The following FHIT variants were observed in gnomAD, a reference collection of about 807,000 sequenced individuals.
FHIT encodes the protein fragile histidine triad diadenosine triphosphatase.
Under a neutral mutation model 17.9 loss-of-function variants are expected in FHIT, and 19 were observed. The observed-to-expected ratio is 1.06, with a 90% confidence interval of 0.74 to 1.56. The LOEUF is 1.56. Among genes scored for constraint, FHIT ranks in the 40% most tolerant of loss-of-function variants. The pLI, the probability that FHIT is intolerant of heterozygous loss-of-function variation, is 0.00. For synonymous variants in FHIT, 81 were observed against 69.7 expected, an observed-to-expected ratio of 1.16 and a Z score of -0.81; for missense variants, 248 against 189.2, an observed-to-expected ratio of 1.31 and a Z score of -1.82.
intron 2 of FHIT, among the ~76,000 whole-genome samples, chr3:61,170,375 A>T (rs9813886): frequency 0.46 from 70,669 of 152,006 alleles, 17,303 homozygotes; most frequent in East Asian, 0.87. Flanking sequence ...TGTAATCTTT[A>T]TTTTAACCTT....
At chr3:61,214,094 G>C (rs1036625010) in intron 1 of FHIT, among the ~76,000 whole-genome samples, 42 of 152,096 alleles carry the variant, frequency 2.8e-4, no homozygotes, top group African/African-American at 1.0e-3. Context: ...ACAATTACAA[G>C]AACTAGAAAA....
rs145058560 is a variant in FHIT, at chr3:60,709,664, T to C, written c.-18+112255A>G. 6.3e-3 allele frequency among the ~76,000 whole-genome samples: 966 copies of C among 152,308 alleles called. 9 individuals are homozygous for C. The highest frequency in any genetic ancestry group is 0.021 in the African/African-American group (860 of 41,550). ...AATGTTGACACCTTTCATTGCATGATATAAAAAAGAATTATATTTGCAATA... is the reference window on the plus strand; with the variant it reads ...AATGTTGACACCTTTCATTGCATGACATAAAAAAGAATTATATTTGCAATA... On this transcript the variant is annotated intron_variant, in intron 4 of 9. Coordinates refer to ENST00000492590, the MANE Select transcript of FHIT (RefSeq NM_002012.4).
At chr3:60,097,618 G>A (rs1161408504) in intron 5 of FHIT, among the ~76,000 whole-genome samples, 1 of 151,910 alleles carries the variant, frequency 6.6e-6, no homozygotes, top group Non-Finnish European at 1.5e-5. Context: ...TCTTTACAAT[G>A]ATCCATTTCC....
chr3:60,531,775 T>C (rs551633134), intron 5 of FHIT, among the ~76,000 whole-genome samples: 3 of 152,336 alleles, frequency 2.0e-5, no homozygotes, highest in Admixed American at 6.5e-5. Context: ...TTTTTATTAT[T>C]TTTCCACTTA....
rs1553762921 is a variant in FHIT at position 60,900,492 on chromosome 3, G to A, written c.-110-78481C>T. 2.0e-5 allele frequency among the ~76,000 whole-genome samples: 3 copies of A among 151,636 alleles called. 1 individual carries two copies. The highest frequency in any genetic ancestry group is 2.9e-5 in the Non-Finnish European group (2 of 67,954). ...CAGTAATCAAGATAATAATACTTCA[G>A]TGCAATCTTTTTAGAAACCAAAAAA... On this transcript the variant is annotated intron_variant, in intron 3 of 9. Coordinates refer to ENST00000492590, the MANE Select transcript of FHIT (RefSeq NM_002012.4).
chr3:60,035,559 G>A (rs1250935950), intron 5 of FHIT, among the ~76,000 whole-genome samples: 2 of 152,130 alleles, frequency 1.3e-5, no homozygotes, highest in Non-Finnish European at 2.9e-5. Flanking sequence ...TTATAGGGAG[G>A]TCCCTCCCTT....
chr3:60,798,422 C>T (rs2594166), intron 4 of FHIT, among the ~76,000 whole-genome samples: 59,784 of 151,782 alleles, frequency 0.39, 13,183 homozygotes, highest in East Asian at 0.78. Flanking sequence ...TGATATTTGG[C>T]CCATTTTCAA....
At chr3:60,390,616 T>A (rs1156372519) in intron 5 of FHIT, among the ~76,000 whole-genome samples, 1 of 152,012 alleles carries the variant, frequency 6.6e-6, no homozygotes, top group Non-Finnish European at 1.5e-5. Flanking sequence ...CTAAAGACCT[T>A]CCAGTGGGAC....
intron 5 of FHIT, among the ~76,000 whole-genome samples, chr3:60,508,374 A>G (rs993336272): frequency 7.2e-5 from 11 of 152,200 alleles, no homozygotes; most frequent in Non-Finnish European, 1.5e-4. Context: ...TAATTTATCA[A>G]TTAGGTTTGA....
intron 7 of FHIT, among the ~76,000 whole-genome samples, chr3:59,990,551 A>G (rs1396021648): frequency 6.6e-6 from 1 of 152,020 alleles, no homozygotes; most frequent in Non-Finnish European, 1.5e-5. Flanking sequence ...TTACTCCTTA[A>G]CTTGGCTCCC....
chr3:60,255,717 A>G (rs169915), intron 5 of FHIT, among the ~76,000 whole-genome samples: 98,400 of 151,946 alleles, frequency 0.65, 32,702 homozygotes, highest in African/African-American at 0.68. Flanking sequence ...GGCCTCCAGG[A>G]GGAACCATGA....
At chr3:60,962,523 A>T (rs782625893) in intron 3 of FHIT, among the ~76,000 whole-genome samples, 1 of 152,202 alleles carries the variant, frequency 6.6e-6, no homozygotes, top group Non-Finnish European at 1.5e-5. Flanking sequence ...TTCAAAGTGA[A>T]TGCTTCCAGT....
intron 5 of FHIT, among the ~76,000 whole-genome samples, chr3:60,424,294 T>G (rs2594252): frequency 0.96 from 145,538 of 152,156 alleles, 69,933 homozygotes; most frequent in East Asian, 1. Context: ...CAGAGAGCAG[T>G]CTGGGGAAAA....
intron 5 of FHIT, among the ~76,000 whole-genome samples, chr3:60,428,608 T>C (rs919037705): frequency 1.2e-4 from 19 of 152,022 alleles, no homozygotes; most frequent in Middle Eastern, 3.2e-3. Flanking sequence ...AACTGAAGAG[T>C]TGTTAAAATG....
chr3:60,817,597 C>A (rs2594150), intron 4 of FHIT, among the ~76,000 whole-genome samples: 128,943 of 151,860 alleles, frequency 0.85, 55,572 homozygotes, highest in East Asian at 0.95. Flanking sequence ...TCTGATGAGA[C>A]GTCATCGTTC....
intron 5 of FHIT, among the ~76,000 whole-genome samples, chr3:60,056,046 C>G (rs988208322): frequency 5.3e-5 from 8 of 152,302 alleles, no homozygotes; most frequent in Admixed American, 5.2e-4. Context: ...ATGACCTGCC[C>G]CCTTCACACA....
At chr3:60,231,099 C>T (rs554622416) in intron 5 of FHIT, among the ~76,000 whole-genome samples, 1 of 152,254 alleles carries the variant, frequency 6.6e-6, no homozygotes, top group Non-Finnish European at 1.5e-5. Flanking sequence ...GTCAAATACG[C>T]CAATAAAGCT....
intron 4 of FHIT, among the ~76,000 whole-genome samples, chr3:60,582,945 A>G (rs1553660196): frequency 1.3e-5 from 2 of 151,984 alleles, no homozygotes; most frequent in African/African-American, 4.8e-5. Context: ...TAGCTGAGCT[A>G]GGACTTGAAC....
rs556411613 is a variant in FHIT, at chr3:60,550,603, G to A, written c.-17-13624C>T. Among the ~76,000 whole-genome samples, 14 of 89,494 alleles carry A rather than the reference G, an allele frequency of 1.6e-4. No homozygotes were observed. The East Asian group carries it at 4.8e-3, about 31-fold the overall frequency. 58.7% of individuals were successfully genotyped at this position (89,494 alleles called of 152,430 possible). On this transcript the variant is annotated intron_variant, in intron 4 of 9. Transcript: ENST00000492590. ...TCACTTCATCAGTTACCTCTTCTCT[G>A]TTCTGTCATTTTTTTTTTTTTTGTA...
Sources: allele counts gnomAD v4.1 joint callset (sites outside exome capture counted in the v4.1 genomes callset), GRCh38; gene constraint gnomAD v4.1.1; transcripts MANE v1.5; gene names NCBI Gene and HGNC (gene_info 2026-07-23, HGNC 2026-07-21).